The following ZNF571 variants were observed in gnomAD, a reference collection of about 807,000 sequenced individuals.
ZNF571 encodes the protein zinc finger protein 571.
In ZNF571, 4 loss-of-function variants were observed where a neutral mutation model predicts 7.7. That is an observed-to-expected ratio of 0.52 (90% CI 0.25 to 1.18). ZNF571 has a LOEUF of 1.18. ZNF571 is among the 50% of genes most tolerant of loss of function. ZNF571 has a pLI of 0.14. For missense variants in ZNF571, 704 were observed against 726.9 expected, an observed-to-expected ratio of 0.97 and a Z score of 0.36; for synonymous variants, 251 against 232.4, an observed-to-expected ratio of 1.08 and a Z score of -0.73.
chr19:37,579,026 G>A (rs557415021), intron 3 of ZNF571, among the ~76,000 whole-genome samples: 1 of 151,792 alleles, frequency 6.6e-6, no homozygotes, highest in African/African-American at 2.4e-5. Context: ...AAGGCCCACA[G>A]CACAGCCGCC....
At position 37,586,925 on chromosome 19, in the gene ZNF571, T is replaced by C. The variant is rs552407188; in HGVS notation, c.-69-180A>G. On this transcript the variant is annotated intron_variant, in intron 1 of 3. Coordinates refer to ENST00000451802, the MANE Select transcript of ZNF571 (RefSeq NM_016536.5). ...CAGGCAGACCTTTCCTTAATGTCCA[T>C]GTTGAACAGGACCCTAGGTGCTGTT... The C allele has an allele frequency of 9.3e-6, 5 of 539,114 alleles. No individual in the cohort carries two copies. The East Asian group carries it at 1.6e-4, about 17-fold the overall frequency. The allele number at this position is 539,114 out of a possible 1,614,324, so 33.4% of individuals were successfully genotyped here.
chr19:37,573,743 G>C (rs1422107633), intron 3 of ZNF571, among the ~76,000 whole-genome samples: 3 of 150,942 alleles, frequency 2.0e-5, no homozygotes, highest in Non-Finnish European at 4.4e-5. Context: ...GCTAAGGTGG[G>C]AGGATCACTT....
chr19:37,574,071 G>A (rs1396767206), intron 3 of ZNF571, among the ~76,000 whole-genome samples: 2 of 151,982 alleles, frequency 1.3e-5, no homozygotes, highest in Non-Finnish European at 2.9e-5. Context: ...CTATGCTCTG[G>A]ATCCATTATT....
In ZNF571 at chr19:37,565,109, A is replaced by G. The variant is rs1439335541; in HGVS notation, c.1319T>C (p.Ile440Thr). 6.2e-7 allele frequency: 1 copy of G among 1,613,238 alleles called. No homozygotes were observed. Among genetic ancestry groups the G allele is most frequent in the Admixed American group, 1.7e-5 (1 of 59,970 alleles). Residue 440 changes from isoleucine (I) to threonine (T), a missense_variant, in exon 4 of 4, where the codon ATT becomes ACT. Transcript: ENST00000451802. ...CGKQLSEHQR[I>T]HTGEKPFECK... Reference sequence around the variant, plus strand: ...TTCAAAGGGTTTCTCACCTGTATGAATTCTCTGATGTTCACTAAGTTGTTT... The same window carrying G: ...TTCAAAGGGTTTCTCACCTGTATGAGTTCTCTGATGTTCACTAAGTTGTTT...
At chr19:37,574,877 C>T (rs547315046) in intron 3 of ZNF571, among the ~76,000 whole-genome samples, 6 of 152,182 alleles carry the variant, frequency 3.9e-5, no homozygotes, top group Non-Finnish European at 7.4e-5. Flanking sequence ...GATCAACTGG[C>T]CACAGCCATG....
At chr19:37,590,990 T>G (rs2043853007) in intron 1 of ZNF571, among the ~76,000 whole-genome samples, 1 of 152,224 alleles carries the variant, frequency 6.6e-6, no homozygotes, top group Admixed American at 6.5e-5. Flanking sequence ...ACCAAGATTG[T>G]TAGCATAAAA....
chr19:37,583,475 G>A lies in ZNF571; in HGVS notation c.136+496C>T, dbSNP rs1398664418. 3.3e-5 allele frequency: 5 copies of A among 153,184 alleles called. No homozygotes were observed. In the East Asian group the frequency reaches 9.6e-4, roughly 30 times the overall value. 9.5% of individuals were successfully genotyped at this position (153,184 alleles called of 1,614,324 possible). On this transcript the variant is annotated intron_variant, in intron 3 of 3. Coordinates refer to ENST00000451802, the MANE Select transcript of ZNF571 (RefSeq NM_016536.5). Reference sequence around the variant, plus strand: ...CACATAACCTTCCTGCTCTCCCTATGTCTCAAGCCTTCTTTCCACAGGCCT... The same window carrying A: ...CACATAACCTTCCTGCTCTCCCTATATCTCAAGCCTTCTTTCCACAGGCCT...
intron 3 of ZNF571, among the ~76,000 whole-genome samples, chr19:37,573,017 T>C (rs113272544): frequency 1.3e-5 from 2 of 152,228 alleles, no homozygotes; most frequent in Admixed American, 1.3e-4. Flanking sequence ...TGATTGATTA[T>C]AGAATCTTCA....
At chr19:37,588,865 T>C (rs1241088986) in intron 1 of ZNF571, among the ~76,000 whole-genome samples, 3 of 152,116 alleles carry the variant, frequency 2.0e-5, no homozygotes, top group Admixed American at 6.5e-5. Flanking sequence ...TTATAACACA[T>C]ACCCAAATTA....
Position 37,564,433 on chromosome 19 carries a change from G to A in ZNF571, c.*165C>T. The A allele has an allele frequency of 2.0e-6, 1 of 494,510 alleles. No homozygotes were observed. Among genetic ancestry groups the A allele is most frequent in the Middle Eastern group, 5.6e-4 (1 of 1,794 alleles). 30.6% of individuals were successfully genotyped at this position (494,510 alleles called of 1,614,324 possible). A position where few individuals can be genotyped will look rare whatever the true frequency, so the allele number is the denominator to read the frequency against. ...AGCATTATATTCTAGCGTTTATAGA[G>A]ATGTTAAGGAATTATTTAAGGGGTT... is the stretch of plus-strand genomic sequence containing the variant. On this transcript the variant is annotated 3_prime_UTR_variant, in exon 4 of 4. Transcript: ENST00000451802.
chr19:37,577,338 G>A (rs1308155648), intron 3 of ZNF571, among the ~76,000 whole-genome samples: 3 of 152,090 alleles, frequency 2.0e-5, no homozygotes, highest in African/African-American at 7.2e-5. Flanking sequence ...ACATCTGGAA[G>A]GTTTCATATT....
chr19:37,564,769 A>G lies in ZNF571; in HGVS notation c.1659T>C (p.Thr553=). The G allele has an allele frequency of 6.2e-7, 1 of 1,613,842 alleles. No individual in the cohort carries two copies. The highest frequency in any genetic ancestry group is 1.1e-5 in the South Asian group (1 of 91,058). Residue 553 remains threonine, a synonymous_variant, in exon 4 of 4, where the codon ACT becomes ACC. Coordinates refer to ENST00000451802, the MANE Select transcript of ZNF571 (RefSeq NM_016536.5). The stretch of plus-strand genomic sequence containing the variant: ...CCTTACATTCATAGGGTTTCTCTCC[A>G]GTATGAGTTCTCAGATGTTCAGTAA... ...SHLTEHLRTH[T]GEKPYECKEC... is the part of the protein sequence containing the mutation.
At chr19:37,578,969 G>A (rs2043348121) in intron 3 of ZNF571, among the ~76,000 whole-genome samples, 2 of 151,878 alleles carry the variant, frequency 1.3e-5, no homozygotes, top group Admixed American at 1.3e-4. Context: ...AGCGCGCCAC[G>A]TGCTCCGCAG....
intron 2 of ZNF571, chr19:37,585,786 A>T (rs1288531953): frequency 6.6e-6 from 1 of 152,194 alleles, no homozygotes; most frequent in African/African-American, 2.4e-5. Context: ...AGTGCAATTA[A>T]ATTAAGGATC....
chr19:37,581,418 C>A (rs985904982), intron 3 of ZNF571, among the ~76,000 whole-genome samples: 9 of 152,118 alleles, frequency 5.9e-5, no homozygotes, highest in Non-Finnish European at 8.8e-5. Flanking sequence ...AGATCATTTA[C>A]CTTTATACCA....
At chr19:37,571,719 T>C (rs1212792752) in intron 3 of ZNF571, among the ~76,000 whole-genome samples, 3 of 152,146 alleles carry the variant, frequency 2.0e-5, no homozygotes, top group Admixed American at 1.3e-4. Context: ...CAACATATGT[T>C]GAGGAGCATC....
At chr19:37,578,995 G>C (rs1313745017) in intron 3 of ZNF571, among the ~76,000 whole-genome samples, 1 of 152,030 alleles carries the variant, frequency 6.6e-6, no homozygotes, top group Non-Finnish European at 1.5e-5. Context: ...AGTCTCCATT[G>C]CAGGAGTCCT....
intron 3 of ZNF571, chr19:37,566,501 GT>G: frequency 1.9e-6 from 1 of 527,730 alleles, no homozygotes; most frequent in Admixed American, 3.8e-5. Context: ...AGAAAAATAG[GT>G]TAAGTCAGTG....
At chr19:37,592,800 G>A (rs2043905912) in intron 1 of ZNF571, among the ~76,000 whole-genome samples, 1 of 152,136 alleles carries the variant, frequency 6.6e-6, no homozygotes, top group African/African-American at 2.4e-5. Context: ...TTATAAGACA[G>A]TACAAAGAAG....
Sources: allele counts gnomAD v4.1 joint callset (sites outside exome capture counted in the v4.1 genomes callset), GRCh38; gene constraint gnomAD v4.1.1; transcripts MANE v1.5; gene names NCBI Gene and HGNC (gene_info 2026-07-23, HGNC 2026-07-21).